Variants in PALLD observed in about 807,000 individuals in gnomAD.
The protein encoded by PALLD is palladin.
In PALLD, 61 loss-of-function variants were observed where a neutral mutation model predicts 123.5. The observed-to-expected ratio is 0.49, with a 90% confidence interval of 0.40 to 0.61. The LOEUF (loss-of-function observed/expected upper bound fraction) is 0.61, where lower values mean the gene tolerates loss of function less well. PALLD is among the 20% of genes least tolerant of loss of function. PALLD has a pLI of 0.00. For synonymous variants in PALLD, 465 were observed against 496.4 expected (o/e 0.94, Z 0.84); for missense variants, 1,273 against 1,377.0 (o/e 0.92, Z 1.20).
At chr4:168,851,588 G>A (rs575632558) in intron 10 of PALLD, among the ~76,000 whole-genome samples, 8 of 152,132 alleles carry the variant, frequency 5.3e-5, no homozygotes, top group African/African-American at 1.2e-4. Flanking sequence ...GGCTGGTCTC[G>A]AACTCCTGAC....
intron 1 of PALLD, among the ~76,000 whole-genome samples, chr4:168,510,468 T>A (rs1762430354): frequency 6.6e-6 from 1 of 152,080 alleles, no homozygotes; most frequent in East Asian, 1.9e-4. Context: ...ATCTTCTCTA[T>A]CTCCTCCACT....
intron 10 of PALLD, among the ~76,000 whole-genome samples, chr4:168,816,413 A>ATATATATATATT (rs34003798): frequency 1.5e-5 from 2 of 136,002 alleles, no homozygotes; most frequent in East Asian, 2.2e-4. Flanking sequence ...ATATATATAT[A>ATATATATATATT]TTTTTTTTAA....
At chr4:168,880,471 T>C (rs1417499643) in intron 10 of PALLD, among the ~76,000 whole-genome samples, 1 of 152,220 alleles carries the variant, frequency 6.6e-6, no homozygotes, top group African/African-American at 2.4e-5. Flanking sequence ...CCTCAAGGAA[T>C]TTTCCTGTTG....
intron 2 of PALLD, among the ~76,000 whole-genome samples, chr4:168,666,642 G>A (rs1232790307): frequency 6.6e-6 from 1 of 152,056 alleles, no homozygotes; most frequent in African/African-American, 2.4e-5. Context: ...AAAACGATAG[G>A]GCCAAGTTAT....
chr4:168,552,174 G>A (rs950742033), intron 2 of PALLD, among the ~76,000 whole-genome samples: 1 of 152,114 alleles, frequency 6.6e-6, no homozygotes, highest in Admixed American at 6.5e-5. Context: ...TAAGTGAGGA[G>A]TTTGTATTTG....
chr4:168,698,252 A>C (rs1365923198), intron 8 of PALLD, among the ~76,000 whole-genome samples: 2 of 152,214 alleles, frequency 1.3e-5, no homozygotes, highest in Non-Finnish European at 2.9e-5. Flanking sequence ...TTGGTACAAA[A>C]ATATAGTTAG....
At chr4:168,570,895 T>C (rs1768910686) in intron 2 of PALLD, among the ~76,000 whole-genome samples, 1 of 152,292 alleles carries the variant, frequency 6.6e-6, no homozygotes, top group South Asian at 2.1e-4. Context: ...AGTTTTCTCC[T>C]ATCCACATTT....
At chr4:168,547,640 G>A (rs915347527) in intron 2 of PALLD, among the ~76,000 whole-genome samples, 1 of 150,564 alleles carries the variant, frequency 6.6e-6, no homozygotes, top group African/African-American at 2.4e-5. Flanking sequence ...AGGTTGAGGC[G>A]CAAGAATTGC....
At chr4:168,630,496 C>A (rs1316396126) in intron 2 of PALLD, among the ~76,000 whole-genome samples, 1 of 152,164 alleles carries the variant, frequency 6.6e-6, no homozygotes, top group Admixed American at 6.5e-5. Context: ...TAAATACGAA[C>A]TAAAGATATA....
intron 2 of PALLD, among the ~76,000 whole-genome samples, chr4:168,590,971 C>T (rs374051240): frequency 6.9e-6 from 1 of 145,118 alleles, no homozygotes; most frequent in African/African-American, 2.6e-5. Flanking sequence ...CCTCCTCCCC[C>T]CAGGTTCAAG....
rs146078654 is a variant in PALLD, at chr4:168,811,111, G to A, written c.1965-79811G>A. Among the ~76,000 whole-genome samples the A allele has an allele frequency of 6.0e-3, 916 of 152,348 alleles. 18 individuals carry two copies. Among genetic ancestry groups the A allele is most frequent in the East Asian group, 0.035 (181 of 5,180 alleles). On this transcript the variant is annotated intron_variant, in intron 10 of 21. Transcript: ENST00000505667. ...GGAGAGAACAGCAGCATTTATTACA[G>A]TGAATCTTCCAAGGAATCAACTTTG...
chr4:168,901,804 G>C (rs1055183047), intron 14 of PALLD, among the ~76,000 whole-genome samples: 1 of 152,146 alleles, frequency 6.6e-6, no homozygotes, highest in African/African-American at 2.4e-5. Context: ...ATTGCAGTGA[G>C]CCAAGATCAC....
intron 2 of PALLD, among the ~76,000 whole-genome samples, chr4:168,639,872 AAG>A (rs1373913784): frequency 6.6e-6 from 1 of 152,144 alleles, no homozygotes; most frequent in Non-Finnish European, 1.5e-5. Context: ...TGTGGCCAGG[AAG>A]AGTTAAGTCT....
At chr4:168,769,071 C>T (rs1734062132) in intron 10 of PALLD, among the ~76,000 whole-genome samples, 1 of 152,210 alleles carries the variant, frequency 6.6e-6, no homozygotes, top group Non-Finnish European at 1.5e-5. Flanking sequence ...GATCCGCCCC[C>T]GTCGGCCTCC....
Position 168,511,425 on chromosome 4 carries a change from C to CACAGTTTCAGAAA in PALLD, c.-71_-59dup. On this transcript the variant is annotated 5_prime_UTR_variant, in exon 2 of 22. Transcript: ENST00000505667. ...TGACATTCTATGCTGTCTTTCAGAA[C>CACAGTTTCAGAAA]ACAGTTTCAGAAAACAGTTTCCAGT... 1 of 1,033,602 alleles carries CACAGTTTCAGAAA rather than the reference C, an allele frequency of 9.7e-7. No individual in the cohort carries two copies. Among genetic ancestry groups the CACAGTTTCAGAAA allele is most frequent in the Non-Finnish European group, 1.5e-6 (1 of 659,906 alleles). The allele number at this position is 1,033,602 out of a possible 1,614,324, so 64.0% of individuals were successfully genotyped here.
intron 2 of PALLD, among the ~76,000 whole-genome samples, chr4:168,596,841 GT>G (rs750684077): frequency 4.0e-5 from 6 of 151,580 alleles, no homozygotes; most frequent in Non-Finnish European, 8.8e-5. Flanking sequence ...AGGTTTTTAT[GT>G]TTCTTAAACT....
At chr4:168,871,130 G>A (rs78535065) in intron 10 of PALLD, among the ~76,000 whole-genome samples, 2 of 152,088 alleles carry the variant, frequency 1.3e-5, no homozygotes, top group Non-Finnish European at 1.5e-5. Flanking sequence ...AGTAGTAATC[G>A]ACTCTTATAA....
chr4:168,700,070 A>C (rs983983012), intron 8 of PALLD: 2 of 330,768 alleles, frequency 6.0e-6, no homozygotes, highest in Admixed American at 3.1e-5. Flanking sequence ...AAAATTCAGT[A>C]TTACAACCTG....
intron 10 of PALLD, among the ~76,000 whole-genome samples, chr4:168,814,117 T>G (rs1163341856): frequency 6.6e-6 from 1 of 152,156 alleles, no homozygotes; most frequent in African/African-American, 2.4e-5. Flanking sequence ...TTTGAGACGT[T>G]CCAAACCAGT....
Sources: gnomAD v4.1 joint callset for allele counts (sites outside exome capture counted in the v4.1 genomes callset) on GRCh38, gnomAD v4.1.1 for gene constraint, MANE v1.5 for transcripts, NCBI Gene and HGNC (gene_info 2026-07-23, HGNC 2026-07-21) for gene names.